LRRC47: variants seen among roughly 807,000 people sequenced by gnomAD.
LRRC47 encodes the protein leucine-rich repeat-containing protein 47.
LRRC47 carries 31 observed loss-of-function variants against 40.9 expected under a neutral mutation model. The ratio of observed to expected loss-of-function variants is 0.76; its 90% CI spans 0.57 to 1.02. LRRC47 has a LOEUF of 1.02. Among genes scored for constraint, LRRC47 ranks in the 50% least tolerant of loss-of-function variants. The pLI, the probability that LRRC47 is intolerant of heterozygous loss-of-function variation, is 0.00. For missense variants in LRRC47, 726 were observed against 796.1 expected (o/e 0.91, Z 1.06); for synonymous variants, 427 against 371.9 (o/e 1.15, Z -1.70).
At chr1:3,781,695 T>A in intron 5 of LRRC47, 94 bp from the exon 6 acceptor site, 1 of 1,036,756 alleles carries the variant, frequency 9.6e-7, no homozygotes, top group Non-Finnish European at 1.5e-6. Flanking sequence ...TACAAAACTG[T>A]GTGGCCAGGC....
intron 4 of LRRC47, 29 bp downstream of exon 4, chr1:3,783,967 G>A (rs1490750386): frequency 9.5e-6 from 15 of 1,574,834 alleles, no homozygotes; most frequent in East Asian, 2.3e-5. Context: ...CCCCGGGCCC[G>A]GCCCCACCCC....
intron 1 of LRRC47, among the ~76,000 whole-genome samples, chr1:3,787,914 C>T (rs1445291982): frequency 6.6e-6 from 1 of 152,080 alleles, no homozygotes; most frequent in Non-Finnish European, 1.5e-5. Context: ...TCTCAGCCTT[C>T]GTCTGACCCA....
Position 3,787,069 on chromosome 1 carries a change from TCCCTCCTCTTCCTCC to T in LRRC47, c.842_856del (p.Arg281_Glu286delinsGln), listed in dbSNP as rs1366752171. 2.5e-6 allele frequency: 4 copies of T among 1,613,696 alleles called. No individual in the cohort carries two copies. Among genetic ancestry groups the T allele is most frequent in the Non-Finnish European group, 3.4e-6 (4 of 1,179,918 alleles). ...ACCACCTTCCCGCCTCTGCTTCCTC[TCCCTCCTCTTCCTCC>T]GGCTCTCTTCCTTCTCCGAGCCCTC... On this transcript the variant is annotated inframe_deletion, in exon 2 of 7. Transcript: ENST00000378251.
chr1:3,789,341 G>A (rs1390278006), intron 1 of LRRC47, among the ~76,000 whole-genome samples: 3 of 152,276 alleles, frequency 2.0e-5, no homozygotes, highest in Admixed American at 6.5e-5. Flanking sequence ...GTTCTGCTCT[G>A]TGGGTTTCTG....
chr1:3,786,864 G>A lies in LRRC47; in HGVS notation c.1062C>T (p.Arg354=), dbSNP rs771157596. 6.9e-6 allele frequency: 11 copies of A among 1,595,408 alleles called. No homozygotes were observed. Among genetic ancestry groups the A allele is most frequent in the South Asian group, 4.5e-5 (4 of 88,604 alleles). ...GGGCACCCACCTGCGAGGTGAGGAA[G>A]CGCTTGAGTGCATTCCCTGGCTGCA... ...MDLQPGNALK[R]FLTSQTKLHE... The change falls in exon 2 of 7, where the codon CGC becomes CGT. Residue 354 remains arginine (R), a synonymous_variant. Coordinates refer to ENST00000378251, the MANE Select transcript of LRRC47 (RefSeq NM_020710.3).
intron 1 of LRRC47, among the ~76,000 whole-genome samples, chr1:3,791,926 G>C (rs1414034705): frequency 6.6e-6 from 1 of 151,484 alleles, no homozygotes; most frequent in Non-Finnish European, 1.5e-5. Context: ...GCTAATTTTT[G>C]TATTTTTTAT....
rs151208305 is a variant in LRRC47 at position 3,787,229 on chromosome 1, G to A, written c.697C>T (p.Arg233Cys). 1.3e-4 allele frequency: 213 copies of A among 1,613,724 alleles called. 3 individuals are homozygous for A. In the South Asian group the frequency reaches 1.6e-3, roughly 12 times the overall value. The change falls in exon 2 of 7, where the codon CGT becomes TGT. Residue 233 changes from arginine (R) to cysteine (C), a missense_variant. Coordinates refer to ENST00000378251, the MANE Select transcript of LRRC47 (RefSeq NM_020710.3). ...DCPKLKEINF[R>C]GNKLRDKRLE... ...CGCTTGTCCCTCAGCTTGTTCCCAC[G>A]GAAATTGATCTCCTTGAGCTTGGGG... is the stretch of plus-strand genomic sequence containing the variant.
At chr1:3,788,138 G>C (rs1643594721) in intron 1 of LRRC47, among the ~76,000 whole-genome samples, 1 of 152,266 alleles carries the variant, frequency 6.6e-6, no homozygotes, top group African/African-American at 2.4e-5. Flanking sequence ...GTGCGTGTGA[G>C]GGCAGCCACT....
rs1342255214 is a variant in LRRC47, at chr1:3,796,423, G to A, written c.54C>T (p.Arg18=). ...TCAGCAGCAGCTCCCGCCGCCGCTC[G>A]CGCTCAGCCAGCTCCAGCTCCGGCC... The part of the protein sequence containing the change: ...ESWPELELAE[R]ERRRELLLTG... The change falls in exon 1 of 7, where the codon CGC becomes CGT. Residue 18 remains arginine, a synonymous_variant. Coordinates refer to ENST00000378251, the MANE Select transcript of LRRC47 (RefSeq NM_020710.3). 6 of 1,518,228 alleles carry A rather than the reference G, an allele frequency of 4.0e-6. No homozygotes were observed. The highest frequency in any genetic ancestry group is 5.3e-6 in the Non-Finnish European group (6 of 1,140,904). 94.0% of individuals were successfully genotyped at this position (1,518,228 alleles called of 1,614,324 possible).
At position 3,787,253 on chromosome 1, in the gene LRRC47, G is replaced by A. The variant is rs376867934; in HGVS notation, c.673C>T (p.Pro225Ser). 82 of 1,613,386 alleles carry A rather than the reference G, an allele frequency of 5.1e-5. No homozygotes were observed. Among genetic ancestry groups the A allele is most frequent in the Admixed American group, 6.7e-5 (4 of 60,008 alleles). The change falls in exon 2 of 7, where the codon CCC becomes TCC. Residue 225 changes from proline to serine, a missense_variant. Coordinates refer to ENST00000378251, the MANE Select transcript of LRRC47 (RefSeq NM_020710.3). ...CGGAAATTGATCTCCTTGAGCTTGGGGCAGTCCGCAAGCTCTGCAGGGATC... is the reference window on the plus strand; with the variant it reads ...CGGAAATTGATCTCCTTGAGCTTGGAGCAGTCCGCAAGCTCTGCAGGGATC... ...SEIPAELADCPKLKEINFRGN... is the reference protein window; with the variant it reads ...SEIPAELADCSKLKEINFRGN...
chr1:3,795,953 G>C lies in LRRC47; in HGVS notation c.524C>G (p.Pro175Arg). 6.3e-7 allele frequency: 1 copy of C among 1,596,626 alleles called. No homozygotes were observed. Among genetic ancestry groups the C allele is most frequent in the Non-Finnish European group, 8.5e-7 (1 of 1,174,136 alleles). Residue 175 changes from proline to arginine, a missense_variant, in exon 1 of 7, where the codon CCC (proline) becomes CGC (arginine). Pro to Arg is a moderately radical substitution (Grantham distance 103). Transcript: ENST00000378251. ...TTCACTGAGCAGGGGCAGCGCGCCG[G>C]GGCGAAAGAGCTCGGCGGGAAAGGA... is the stretch of plus-strand genomic sequence containing the variant. ...LDSFPAELFR[P>R]GALPLLSELA...
intron 1 of LRRC47, among the ~76,000 whole-genome samples, chr1:3,794,716 A>G (rs1643657477): frequency 6.6e-6 from 1 of 152,044 alleles, no homozygotes; most frequent in African/African-American, 2.4e-5. Context: ...TTGCTACAGC[A>G]AATAAATAGA....
At chr1:3,790,876 G>A (rs572846217) in intron 1 of LRRC47, among the ~76,000 whole-genome samples, 30 of 68,668 alleles carry the variant, frequency 4.4e-4, no homozygotes, top group South Asian at 3.6e-3. Context: ...TCTGGGGAGG[G>A]AAAGGACAGG....
At chr1:3,790,008 G>T (rs188555121) in intron 1 of LRRC47, among the ~76,000 whole-genome samples, 50 of 152,318 alleles carry the variant, frequency 3.3e-4, no homozygotes, top group Non-Finnish European at 5.6e-4. Flanking sequence ...GTGGCTAGGG[G>T]TCCTCCTGAC....
chr1:3,782,358 AC>A (rs1388899692), intron 5 of LRRC47, among the ~76,000 whole-genome samples: 3 of 152,098 alleles, frequency 2.0e-5, no homozygotes, highest in Admixed American at 6.6e-5. Context: ...AGCTGAGACT[AC>A]AGGTATGTGC....
rs1189373862 is a variant in LRRC47 at position 3,783,280 on chromosome 1, C to T, written c.1311-517G>A. Among the ~76,000 whole-genome samples the T allele has an allele frequency of 3.3e-5, 5 of 151,880 alleles. No individual in the cohort carries two copies. In the East Asian group the frequency reaches 7.7e-4, roughly 23 times the overall value. On this transcript the variant is annotated intron_variant, in intron 4 of 6. Coordinates refer to ENST00000378251, the MANE Select transcript of LRRC47 (RefSeq NM_020710.3). ...ACTAAAAACACAAATATTAGCCAGG[C>T]ATGGTGGCAGGCGCCTGTAATCCCA... is the stretch of plus-strand genomic sequence containing the variant.
chr1:3,788,240 A>C (rs1643595697), intron 1 of LRRC47, among the ~76,000 whole-genome samples: 1 of 152,226 alleles, frequency 6.6e-6, no homozygotes, highest in Non-Finnish European at 1.5e-5. Flanking sequence ...CAGGCCCCAC[A>C]GCCTTGCCTG....
At chr1:3,791,824 G>T (rs1002826057) in intron 1 of LRRC47, among the ~76,000 whole-genome samples, 1 of 152,130 alleles carries the variant, frequency 6.6e-6, no homozygotes, top group African/African-American at 2.4e-5. Context: ...TGTGATCATG[G>T]CTCACTGCAG....
rs997434493 is a variant in LRRC47 at position 3,780,308 on chromosome 1, T to G, written c.*780A>C. The stretch of plus-strand genomic sequence containing the variant: ...CTGAACATCACTCACTTCCCCTACT[T>G]GATCTACAAGGCCAACGACGAGAGC... On this transcript the variant is annotated 3_prime_UTR_variant, in exon 7 of 7. Coordinates refer to ENST00000378251, the MANE Select transcript of LRRC47 (RefSeq NM_020710.3). The G allele has an allele frequency of 1.6e-4, 25 of 152,140 alleles. No individual in the cohort carries two copies. Among genetic ancestry groups the G allele is most frequent in the African/African-American group, 5.6e-4 (23 of 41,424 alleles). The allele number at this position is 152,140 out of a possible 1,614,324, so 9.4% of individuals were successfully genotyped here. A position where few individuals can be genotyped will look rare whatever the true frequency, so the allele number is the denominator to read the frequency against.
Sources: gnomAD v4.1 joint callset for allele counts (sites outside exome capture counted in the v4.1 genomes callset) on GRCh38, gnomAD v4.1.1 for gene constraint, MANE v1.5 for transcripts, NCBI Gene and HGNC (gene_info 2026-07-23, HGNC 2026-07-21) for gene names.